FANCE: variants seen among roughly 807,000 people sequenced by gnomAD.
The protein encoded by FANCE is FA complementation group E.
FANCE carries 42 observed loss-of-function variants against 57.8 expected under a neutral mutation model. The ratio of observed to expected loss-of-function variants is 0.73; its 90% CI spans 0.57 to 0.94. FANCE has a LOEUF of 0.94. FANCE is among the 40% of genes least tolerant of loss of function. FANCE has a pLI of 0.00. For synonymous variants in FANCE, 251 were observed against 286.4 expected, an observed-to-expected ratio of 0.88 and a Z score of 1.25; for missense variants, 608 against 661.8, an observed-to-expected ratio of 0.92 and a Z score of 0.89.
chr6:35,465,507 G>C (rs1767796949), intron 9 of FANCE, among the ~76,000 whole-genome samples: 1 of 152,200 alleles, frequency 6.6e-6, no homozygotes, highest in South Asian at 2.1e-4. Context: ...TATCTTGAAA[G>C]TCAGGTATTC....
At chr6:35,464,515 G>A (rs904240524) in intron 9 of FANCE, among the ~76,000 whole-genome samples, 2 of 151,256 alleles carry the variant, frequency 1.3e-5, no homozygotes, top group Non-Finnish European at 2.9e-5. Context: ...GGGATTACAG[G>A]TGTGAGCCAC....
In FANCE at chr6:35,457,440, T is replaced by C. The variant is rs1767390139; in HGVS notation, c.856-116T>C. 4 of 1,157,590 alleles carry C rather than the reference T, an allele frequency of 3.5e-6. No individual in the cohort carries two copies. The South Asian group carries it at 5.0e-5, about 15-fold the overall frequency. 71.7% of individuals were successfully genotyped at this position (1,157,590 alleles called of 1,614,324 possible). On this transcript the variant is annotated intron_variant, in intron 2 of 9. Coordinates refer to ENST00000229769, the MANE Select transcript of FANCE (RefSeq NM_021922.3). ...TTGGCCTCTTGACTTTCTTGAATCA[T>C]CTTTGCCAGCTAGCTCCCACTGACC...
Position 35,456,899 on chromosome 6 carries a change from G to A in FANCE, c.855+546G>A, listed in dbSNP as rs771907558. Among the ~76,000 whole-genome samples the A allele has an allele frequency of 1.3e-5, 2 of 152,098 alleles. No individual in the cohort carries two copies. The highest frequency in any genetic ancestry group is 2.9e-5 in the Non-Finnish European group (2 of 68,020). On this transcript the variant is annotated intron_variant, in intron 2 of 9. Transcript: ENST00000229769. This position sits in a 1 kb window ranked among gnomAD's most constrained non-coding sequence, Gnocchi z 4.3. ...AATGATCTATAATGTGGGGTTAAAG[G>A]GTGCCAGGCAAGGGAGAGGCTCTGG... is the stretch of plus-strand genomic sequence containing the variant.
chr6:35,457,603 G>A lies in FANCE; in HGVS notation c.900+3G>A. The A allele has an allele frequency of 6.2e-7, 1 of 1,613,800 alleles. No individual in the cohort carries two copies. The highest frequency in any genetic ancestry group is 8.5e-7 in the Non-Finnish European group (1 of 1,179,986). On this transcript the variant is annotated splice_donor_region_variant and intron_variant, in intron 3 of 9. Coordinates refer to ENST00000229769, the MANE Select transcript of FANCE (RefSeq NM_021922.3). ...AGCTGCTGAAGACCTTGGAGGAGGT[G>A]ACTGGCCCCACAGTGCTCACCATAG...
chr6:35,462,652 A>C, intron 8 of FANCE, 137 bp from the exon 9 acceptor site: 1 of 958,758 alleles, frequency 1.0e-6, no homozygotes, highest in Non-Finnish European at 1.6e-6. Context: ...ATGGAAATGG[A>C]GGTTTAGGTT....
chr6:35,466,700 G>A lies in FANCE; in HGVS notation c.*355G>A, dbSNP rs982526208. The stretch of plus-strand genomic sequence containing the variant: ...CCATGTCAGCCTCCCAAGTAGCTGG[G>A]ACTACATGCACATGACACTATGCCC... On this transcript the variant is annotated 3_prime_UTR_variant, in exon 10 of 10. Coordinates refer to ENST00000229769, the MANE Select transcript of FANCE (RefSeq NM_021922.3). 15 of 410,000 alleles carry A rather than the reference G, an allele frequency of 3.7e-5. No homozygotes were observed. Among genetic ancestry groups the A allele is most frequent in the Non-Finnish European group, 5.0e-5 (11 of 219,192 alleles). The allele number at this position is 410,000 out of a possible 1,614,324, so 25.4% of individuals were successfully genotyped here. A position where few individuals can be genotyped will look rare whatever the true frequency, so the allele number is the denominator to read the frequency against.
At chr6:35,460,679 G>T (rs1026884231) in intron 8 of FANCE, 61 bp downstream of exon 8, 1 of 1,491,992 alleles carries the variant, frequency 6.7e-7, no homozygotes, top group South Asian at 1.1e-5. Context: ...GGAAGCACAC[G>T]GGGTTCCTGG....
At chr6:35,466,097 G>A in intron 9 of FANCE, 147 bp from the exon 10 acceptor site, 2 of 663,984 alleles carry the variant, frequency 3.0e-6, no homozygotes, top group Non-Finnish European at 5.5e-6. Flanking sequence ...CGTTAACCAT[G>A]GTGAAATAAT....
intron 2 of FANCE, 38 bp from the exon 3 acceptor site, chr6:35,457,518 G>T (rs200045018): frequency 1.6e-5 from 26 of 1,612,230 alleles, no homozygotes; most frequent in Non-Finnish European, 2.2e-5. Flanking sequence ...CATGCTGCAG[G>T]GGGAGGGACG....
intron 2 of FANCE, 76 bp from the exon 3 acceptor site, chr6:35,457,480 T>G (rs1581701587): frequency 6.5e-7 from 1 of 1,541,562 alleles, no homozygotes; most frequent in Non-Finnish European, 8.9e-7. Context: ...GCCTTTTCAG[T>G]AGGGGGAGCC....
At position 35,459,682 on chromosome 6, in the gene FANCE, G is replaced by C. The variant is rs1561792526; in HGVS notation, c.1238G>C (p.Gly413Ala). The change falls in exon 7 of 10, where the codon GGT (glycine) becomes GCT (alanine). Residue 413 changes from glycine (G) to alanine (A), a missense_variant and splice_region_variant. By Grantham distance (60) the Gly-to-Ala change is moderately conservative (BLOSUM62 0). Coordinates refer to ENST00000229769, the MANE Select transcript of FANCE (RefSeq NM_021922.3). ...TCCCCTTCTGCTGTCCTCTACCCAG[G>C]TCCTGCTCAAACAGAGTTACTGTGT... ...LDPVLQAPGT[G>A]PAQTELLCCL... 1 of 1,614,064 alleles carries C rather than the reference G, an allele frequency of 6.2e-7. No individual in the cohort carries two copies. The highest frequency in any genetic ancestry group is 2.2e-5 in the East Asian group (1 of 44,874).
chr6:35,458,557 T>G, intron 5 of FANCE, 117 bp downstream of exon 5: 3 of 1,285,978 alleles, frequency 2.3e-6, no homozygotes, highest in Admixed American at 1.7e-5. Context: ...CTGGGCTGTT[T>G]GGGCAGCCTG....
intron 5 of FANCE, 88 bp from the exon 6 acceptor site, chr6:35,459,243 C>T (rs2150896080): frequency 4.6e-6 from 7 of 1,525,036 alleles, no homozygotes; most frequent in South Asian, 1.1e-5. Flanking sequence ...TCCTTTGTAA[C>T]ATGTATCATC....
intron 8 of FANCE, among the ~76,000 whole-genome samples, 183 bp from the exon 9 acceptor site, chr6:35,462,606 T>C (rs1561794350): frequency 2.0e-5 from 3 of 152,192 alleles, no homozygotes. Flanking sequence ...CTTTTCACAG[T>C]CTTCCGTTAG....
At chr6:35,458,725 C>T (rs973358521) in intron 5 of FANCE, among the ~76,000 whole-genome samples, 2 of 151,938 alleles carry the variant, frequency 1.3e-5, no homozygotes, top group African/African-American at 4.8e-5. Flanking sequence ...CCTCAGCCTC[C>T]TGAGTAGCTG....
At chr6:35,459,235 CT>C in intron 5 of FANCE, 95 bp from the exon 6 acceptor site, 1 of 1,516,992 alleles carries the variant, frequency 6.6e-7, no homozygotes. Context: ...TTTTTTTTTC[CT>C]TTGTAACATG....
Position 35,456,473 on chromosome 6 carries a change from A to C in FANCE, c.855+120A>C. ...GTTGACTGTAGTTCCTGGAGGAAGA[A>C]GGAGGAAGGTAGGGTTGAGGGAATG... is the stretch of plus-strand genomic sequence containing the variant. On this transcript the variant is annotated intron_variant, in intron 2 of 9. Transcript: ENST00000229769. The surrounding 1 kb of genome is among the most constrained non-coding windows in gnomAD (Gnocchi z 4.3). The C allele has an allele frequency of 7.5e-7, 1 of 1,330,806 alleles. No individual in the cohort carries two copies. The highest frequency in any genetic ancestry group is 2.1e-4 in the Middle Eastern group (1 of 4,710). The allele number at this position is 1,330,806 out of a possible 1,614,324, so 82.4% of individuals were successfully genotyped here. A position where few individuals can be genotyped will look rare whatever the true frequency, so the allele number is the denominator to read the frequency against.
At chr6:35,459,810 G>A (rs1176432463) in intron 7 of FANCE, 50 bp downstream of exon 7, 1 of 1,533,404 alleles carries the variant, frequency 6.5e-7, no homozygotes, top group African/African-American at 1.4e-5. Flanking sequence ...GTTCCCCCAG[G>A]CTAGAGTGAC....
intron 2 of FANCE, 76 bp from the exon 3 acceptor site, chr6:35,457,480 T>A (rs1581701587): frequency 2.6e-6 from 4 of 1,541,562 alleles, no homozygotes; most frequent in East Asian, 2.2e-5. Context: ...GCCTTTTCAG[T>A]AGGGGGAGCC....
Sources: gnomAD v4.1 joint callset for allele counts (sites outside exome capture counted in the v4.1 genomes callset) on GRCh38, gnomAD v4.1.1 for gene constraint, Gnocchi (gnomAD v3.1) non-coding constraint, MANE v1.5 for transcripts, NCBI Gene and HGNC (gene_info 2026-07-23, HGNC 2026-07-21) for gene names.